Variants in TMED8 observed in about 807,000 individuals in gnomAD.
TMED8 encodes transmembrane p24 trafficking protein family member 8, also known as protein TMED8.
A neutral mutation model predicts 32.7 loss-of-function variants in TMED8; 15 were observed. The observed-to-expected ratio is 0.46, with a 90% CI of 0.31 to 0.71. TMED8 has a LOEUF of 0.71. Among genes scored for constraint, TMED8 ranks in the 30% least tolerant of loss-of-function variants. The pLI, the probability that TMED8 is intolerant of heterozygous loss-of-function variation, is 0.06. For synonymous variants in TMED8, 147 were observed against 161.4 expected (o/e 0.91, Z 0.68); for missense variants, 390 against 423.9 (o/e 0.92, Z 0.70).
chr14:77,357,621 A>G (rs1272039554), intron 1 of TMED8, among the ~76,000 whole-genome samples: 2 of 152,356 alleles, frequency 1.3e-5, no homozygotes, highest in Non-Finnish European at 2.9e-5. Context: ...ATCGTTAGAA[A>G]CACATGAATT....
At position 77,343,500 on chromosome 14, in the gene TMED8, C is replaced by T. The variant is rs779724998; in HGVS notation, c.455-17G>A. ...GTGGGGAGACTGAAAGGACAAGCAG[C>T]TTAGCACTGAGAAACCATGAGGAAA... On this transcript the variant is annotated splice_polypyrimidine_tract_variant and intron_variant, in intron 4 of 5. Coordinates refer to ENST00000216468, the MANE Select transcript of TMED8 (RefSeq NM_213601.3). 6 of 1,610,510 alleles carry T rather than the reference C, an allele frequency of 3.7e-6. No homozygotes were observed. The highest frequency in any genetic ancestry group is 5.1e-6 in the Non-Finnish European group (6 of 1,177,804).
rs746885078 is a variant in TMED8 at position 77,343,785 on chromosome 14, G to A, written c.366C>T (p.Ile122=). The change falls in exon 4 of 6, where the codon ATC becomes ATT. Residue 122 remains isoleucine (I), a synonymous_variant. Transcript: ENST00000216468. ...KYQVPQRSGD[I]VMIQSEHTGA... ...CTGTATGTTCAGACTGGATCATAAC[G>A]ATGTCCCCAGACCTCTGTGGAACTT... The A allele has an allele frequency of 8.1e-6, 13 of 1,613,968 alleles. No individual in the cohort carries two copies. Among genetic ancestry groups the A allele is most frequent in the African/African-American group, 5.3e-5 (4 of 74,908 alleles).
In TMED8 at chr14:77,340,889, A is replaced by G. The variant is rs1375785918; in HGVS notation, c.*882T>C. The G allele has an allele frequency of 6.6e-6, 1 of 151,122 alleles. No individual in the cohort carries two copies. The highest frequency in any genetic ancestry group is 1.5e-5 in the Non-Finnish European group (1 of 67,814). The allele number at this position is 151,122 out of a possible 1,614,324, so 9.4% of individuals were successfully genotyped here. A position where few individuals can be genotyped will look rare whatever the true frequency, so the allele number is the denominator to read the frequency against. ...GACTCTGGAGTGTTTTTTGTTTTTC[A>G]TCTTCTCTGTCAGATGATACCATTC... On this transcript the variant is annotated 3_prime_UTR_variant, in exon 6 of 6. Coordinates refer to ENST00000216468, the MANE Select transcript of TMED8 (RefSeq NM_213601.3).
chr14:77,348,932 G>A (rs185337128), intron 2 of TMED8, among the ~76,000 whole-genome samples: 14 of 152,194 alleles, frequency 9.2e-5, no homozygotes, highest in African/African-American at 3.4e-4. Context: ...GGCCTAGGCT[G>A]TGGGTCTATT....
intron 1 of TMED8, among the ~76,000 whole-genome samples, chr14:77,372,935 TATATATATATATATA>T (rs1270330984): frequency 1.5e-3 from 52 of 33,738 alleles, no homozygotes; most frequent in Non-Finnish European, 2.2e-3. Flanking sequence ...TATATATATA[TATATATATATATATA>T]TATTTTTTTT....
chr14:77,347,117 C>T (rs920377394), intron 2 of TMED8, among the ~76,000 whole-genome samples: 2 of 152,150 alleles, frequency 1.3e-5, no homozygotes, highest in Admixed American at 6.5e-5. Flanking sequence ...ATCCTGCCCT[C>T]GGCTTCTGTG....
chr14:77,357,256 T>C (rs746352092), intron 1 of TMED8, among the ~76,000 whole-genome samples: 6 of 152,216 alleles, frequency 3.9e-5, no homozygotes, highest in Non-Finnish European at 8.8e-5. Flanking sequence ...AAGAGGCACA[T>C]AATCTATGGT....
intron 1 of TMED8, among the ~76,000 whole-genome samples, chr14:77,372,952 ATTTTTTTTTTTTT>A (rs1160815178): frequency 1.4e-4 from 2 of 14,304 alleles, no homozygotes; most frequent in African/African-American, 7.1e-4. Flanking sequence ...ATATATATAT[ATTTTTTTTTTTTT>A]TTTTTTTTTT....
In TMED8 at chr14:77,346,763, T is replaced by TG. The variant is rs1288175496; in HGVS notation, c.198-286_198-285insC. ...TCTGAGATGGACTGCTGGTCTGGTT[T>TG]TTTTTTTTTTTTTTTTTTTTTGTCA... On this transcript the variant is annotated intron_variant, in intron 2 of 5. Coordinates refer to ENST00000216468, the MANE Select transcript of TMED8 (RefSeq NM_213601.3). Among the ~76,000 whole-genome samples the TG allele has an allele frequency of 2.2e-4, 20 of 91,090 alleles. No individual in the cohort carries two copies. The South Asian group carries it at 3.5e-3, about 16-fold the overall frequency. The allele number at this position is 91,090 out of a possible 152,430, so 59.8% of individuals were successfully genotyped here.
In TMED8 at chr14:77,338,499, C is replaced by T. The variant is rs9671248; in HGVS notation, c.*3272G>A. ...GGTAAAGTTTAACTCTCTCAACCAA[C>T]TGCCAGTCAGGAACTCTTTGATCTA... On this transcript the variant is annotated 3_prime_UTR_variant, in exon 6 of 6. Coordinates refer to ENST00000216468, the MANE Select transcript of TMED8 (RefSeq NM_213601.3). 128,253 of 152,272 alleles carry T rather than the reference C, an allele frequency of 0.84. 54,476 individuals are homozygous for T. The highest frequency in any genetic ancestry group is 0.95 in the East Asian group (4,949 of 5,186). 9.4% of individuals were successfully genotyped at this position (152,272 alleles called of 1,614,324 possible).
chr14:77,370,742 AGTGTGT>A lies in TMED8; in HGVS notation c.118+6188_118+6193del, dbSNP rs33940271. Among the ~76,000 whole-genome samples, 276 of 150,118 alleles carry A rather than the reference AGTGTGT, an allele frequency of 1.8e-3. 1 individual carries two copies. Among genetic ancestry groups the A allele is most frequent in the African/African-American group, 5.8e-3 (237 of 40,932 alleles). On this transcript the variant is annotated intron_variant, in intron 1 of 5. Transcript: ENST00000216468. ...AAGATGTTTTATGCATATAAAAAAA[AGTGTGT>A]GTGTGTGTGTGTGTGTGTATACTTT...
chr14:77,357,357 A>T (rs1191782556), intron 1 of TMED8, among the ~76,000 whole-genome samples: 1 of 152,240 alleles, frequency 6.6e-6, no homozygotes, highest in African/African-American at 2.4e-5. Flanking sequence ...TAGTGGCTTT[A>T]GCAGGCATTC....
Position 77,358,175 on chromosome 14 carries a change from AAT to A in TMED8, c.119-6426_119-6425del, listed in dbSNP as rs1893337307. Among the ~76,000 whole-genome samples the A allele has an allele frequency of 2.8e-5, 3 of 106,310 alleles. No individual in the cohort carries two copies. In the South Asian group the frequency reaches 9.6e-4, roughly 34 times the overall value. 69.7% of individuals were successfully genotyped at this position (106,310 alleles called of 152,430 possible). A position where few individuals can be genotyped will look rare whatever the true frequency, so the allele number is the denominator to read the frequency against. ...TGTATTTAAAGACCACAATCAATGT[AAT>A]ATATCACACACACACACACACACAC... On this transcript the variant is annotated intron_variant, in intron 1 of 5. Transcript: ENST00000216468.
chr14:77,368,490 A>G (rs1893605216), intron 1 of TMED8, among the ~76,000 whole-genome samples: 1 of 150,908 alleles, frequency 6.6e-6, no homozygotes, highest in Admixed American at 6.6e-5. Flanking sequence ...TTATTTATTT[A>G]TTTTTGAGAC....
chr14:77,366,202 C>G (rs920480491), intron 1 of TMED8, among the ~76,000 whole-genome samples: 2 of 152,140 alleles, frequency 1.3e-5, no homozygotes, highest in Admixed American at 6.6e-5. Flanking sequence ...ATTTCAGGAC[C>G]CCAGACGTAG....
intron 1 of TMED8, among the ~76,000 whole-genome samples, chr14:77,374,307 T>C (rs1893765047): frequency 6.6e-6 from 1 of 152,222 alleles, no homozygotes. Context: ...CCAGGCCAAA[T>C]ATAGTATTTC....
intron 1 of TMED8, among the ~76,000 whole-genome samples, chr14:77,361,102 C>G (rs1893425055): frequency 6.6e-6 from 1 of 151,848 alleles, no homozygotes; most frequent in African/African-American, 2.4e-5. Context: ...GCCTCAGGCT[C>G]CCAGGTAGCT....
intron 1 of TMED8, among the ~76,000 whole-genome samples, chr14:77,375,645 G>T (rs905295606): frequency 7.2e-5 from 11 of 152,176 alleles, no homozygotes; most frequent in African/African-American, 2.4e-4. Context: ...GGAAAGAGCT[G>T]GGTGAGTTGT....
rs1033818439 is a variant in TMED8 at position 77,376,655 on chromosome 14, G to A, written c.118+281C>T. 2.0e-5 allele frequency: 5 copies of A among 244,936 alleles called. No individual in the cohort carries two copies. Among genetic ancestry groups the A allele is most frequent in the Non-Finnish European group, 3.9e-5 (5 of 128,522 alleles). 15.2% of individuals were successfully genotyped at this position (244,936 alleles called of 1,614,324 possible). ...AAGCTGAAACTGAAGCTGAAGAGGC[G>A]CCAGGGGCAGAGCCACCCTGTCACT... is the stretch of plus-strand genomic sequence containing the variant. On this transcript the variant is annotated intron_variant, in intron 1 of 5. Coordinates refer to ENST00000216468, the MANE Select transcript of TMED8 (RefSeq NM_213601.3). The surrounding 1 kb of genome is among the most constrained non-coding windows in gnomAD (Gnocchi z 4.0).
Sources: allele counts gnomAD v4.1 joint callset (sites outside exome capture counted in the v4.1 genomes callset), GRCh38; gene constraint gnomAD v4.1.1; non-coding constraint Gnocchi (gnomAD v3.1); transcripts MANE v1.5; gene names NCBI Gene and HGNC (gene_info 2026-07-23, HGNC 2026-07-21).